CFAP276: variants seen among roughly 807,000 people sequenced by gnomAD.
The protein encoded by CFAP276 is cilia- and flagella-associated protein 276.
At chr1:109,113,689 C>G in the CFAP276 span, 3 of 1,613,932 alleles carry the variant, frequency 1.9e-6, no homozygotes, top group African/African-American at 2.7e-5. Flanking sequence ...TTCTTTCTCT[C>G]GGTTCACACG....
At chr1:109,110,335 C>T in the CFAP276 span, among the ~76,000 whole-genome samples, 1 of 152,152 alleles carries the variant, frequency 6.6e-6, no homozygotes, top group East Asian at 1.9e-4. Context: ...ATTCCCATAC[C>T]CTCTTTAGCT....
chr1:109,112,506 A>G, the CFAP276 span: 2 of 1,486,128 alleles, frequency 1.3e-6, no homozygotes, highest in Admixed American at 4.6e-5. Flanking sequence ...TGTCTTCACC[A>G]GAGTCCTTTA....
the CFAP276 span, chr1:109,106,641 A>G: frequency 6.2e-7 from 1 of 1,613,732 alleles, no homozygotes; most frequent in African/African-American, 1.3e-5. Flanking sequence ...AAAATTCTCC[A>G]GGGAATTGGA....
the CFAP276 span, among the ~76,000 whole-genome samples, chr1:109,113,325 G>A: frequency 6.6e-6 from 1 of 151,726 alleles, no homozygotes; most frequent in Non-Finnish European, 1.5e-5. Flanking sequence ...CCCGGAAGGC[G>A]GAGGTTGCAG....
At chr1:109,113,183 A>G in the CFAP276 span, among the ~76,000 whole-genome samples, 2 of 152,180 alleles carry the variant, frequency 1.3e-5, no homozygotes, top group East Asian at 1.9e-4. Context: ...TAAGCCCAAG[A>G]GTTCGAGACC....
the CFAP276 span, among the ~76,000 whole-genome samples, chr1:109,112,081 A>G: frequency 6.6e-6 from 1 of 152,198 alleles, no homozygotes; most frequent in Non-Finnish European, 1.5e-5. Flanking sequence ...GCACCACTTC[A>G]TATATCCCAA....
chr1:109,111,967 G>T, the CFAP276 span, among the ~76,000 whole-genome samples: 1 of 152,150 alleles, frequency 6.6e-6, no homozygotes, highest in Non-Finnish European at 1.5e-5. Context: ...TATCCTTGGC[G>T]TTTAGCAGAG....
At chr1:109,113,413 AGAAAGAGAGAGAGAGAGAGAGAG>A in the CFAP276 span, among the ~76,000 whole-genome samples, 1 of 113,460 alleles carries the variant, frequency 8.8e-6, no homozygotes. Context: ...AGAGAGAGAG[AGAAAGAGAGAGAGAGAGAGAGAG>A]AGAGAGAGAG....
At chr1:109,111,527 G>A in the CFAP276 span, among the ~76,000 whole-genome samples, 1 of 151,098 alleles carries the variant, frequency 6.6e-6, no homozygotes, top group Admixed American at 6.6e-5. Context: ...TGAAACCATA[G>A]CTAGCTAGCA....
chr1:109,113,001 T>C, the CFAP276 span, among the ~76,000 whole-genome samples: 6 of 152,158 alleles, frequency 3.9e-5, no homozygotes, highest in African/African-American at 1.2e-4. Flanking sequence ...AAGACTTCAG[T>C]TGAGGAAAGA....
the CFAP276 span, among the ~76,000 whole-genome samples, chr1:109,111,042 T>C: frequency 2.0e-5 from 3 of 152,206 alleles, no homozygotes; most frequent in Non-Finnish European, 4.4e-5. Context: ...GTAGATCTGT[T>C]ACTCTTCCTC....
At chr1:109,106,732 G>C in the CFAP276 span, 8 of 1,503,802 alleles carry the variant, frequency 5.3e-6, no homozygotes, top group Non-Finnish European at 7.2e-6. Flanking sequence ...CAAGGTAGTT[G>C]AATGTGATCT....
At chr1:109,108,139 TTTTTG>T in the CFAP276 span, 4 of 891,854 alleles carry the variant, frequency 4.5e-6, no homozygotes, top group Non-Finnish European at 7.2e-6. Flanking sequence ...AGTTTTGTGT[TTTTTG>T]TTTTGTTTTA....
chr1:109,108,016 T>C, the CFAP276 span: 1 of 1,606,616 alleles, frequency 6.2e-7, no homozygotes, highest in East Asian at 2.2e-5. Flanking sequence ...GCAAGGTGTG[T>C]TGGGTTCTTA....
chr1:109,110,514 T>C, the CFAP276 span, among the ~76,000 whole-genome samples: 1 of 152,324 alleles, frequency 6.6e-6, no homozygotes, highest in East Asian at 1.9e-4. Context: ...CCAAGCTCTG[T>C]GGGCCCAGCT....
chr1:109,107,145 A>G, the CFAP276 span: 3 of 1,576,624 alleles, frequency 1.9e-6, no homozygotes, highest in Non-Finnish European at 1.7e-6. Context: ...GTCCCCCCCA[A>G]GGTTAGCTCA....
the CFAP276 span, among the ~76,000 whole-genome samples, chr1:109,110,059 A>T: frequency 6.6e-6 from 1 of 152,220 alleles, no homozygotes. Context: ...GAGAAAGTCC[A>T]GACTGTCAAG....
At chr1:109,112,881 G>T in the CFAP276 span, 1 of 775,726 alleles carries the variant, frequency 1.3e-6, no homozygotes, top group Non-Finnish European at 1.9e-6. Flanking sequence ...TGGGGAGGAA[G>T]CTCCGGGGAC....
chr1:109,113,499 T>A, the CFAP276 span: 4 of 837,388 alleles, frequency 4.8e-6, no homozygotes, highest in Non-Finnish European at 7.3e-6. Context: ...AAATTGCGGC[T>A]AAGGCAAACT....
Sources: gnomAD v4.1 joint callset for allele counts (sites outside exome capture counted in the v4.1 genomes callset) on GRCh38, gnomAD v4.1.1 for gene constraint, MANE v1.5 for transcripts, NCBI Gene and HGNC (gene_info 2026-07-23, HGNC 2026-07-21) for gene names.